Variants in QRICH2 observed in about 807,000 individuals in gnomAD.
The protein encoded by QRICH2 is glutamine-rich protein 2.
In QRICH2, 119 loss-of-function variants were observed where a neutral mutation model predicts 168.3. That is an observed-to-expected ratio of 0.71 (90% CI 0.61 to 0.82). The LOEUF (loss-of-function observed/expected upper bound fraction) is 0.82, where lower values mean the gene tolerates loss of function less well. QRICH2 is among the 40% of genes least tolerant of loss of function. QRICH2 has a pLI of 0.00. For missense variants in QRICH2, 2,241 were observed against 2,491.6 expected (o/e 0.90, Z 2.14); for synonymous variants, 894 against 951.2 (o/e 0.94, Z 1.11).
chr17:76,307,938 C>G lies in QRICH2; in HGVS notation c.61G>C (p.Glu21Gln), dbSNP rs891221420. Residue 21 changes from glutamate to glutamine, a missense_variant, in exon 1 of 19, where the codon GAG becomes CAG. Physicochemically the swap from Glu to Gln is conservative, Grantham distance 29. Transcript: ENST00000680821. The surrounding 1 kb of genome is among the most constrained non-coding windows in gnomAD (Gnocchi z 5.3). ...GCCGTGAAGTTGACGGCGCCCACCT[C>G]TGGCGTGCCGATGGAGAGGTCCGCC... ...ELADLSIGTPEVGAVNFTALH... is the reference protein window; with the variant it reads ...ELADLSIGTPQVGAVNFTALH... The G allele has an allele frequency of 1.7e-4, 214 of 1,235,960 alleles. No individual in the cohort carries two copies. The highest frequency in any genetic ancestry group is 2.0e-4 in the Non-Finnish European group (200 of 990,136). 76.6% of individuals were successfully genotyped at this position (1,235,960 alleles called of 1,614,324 possible). A position where few individuals can be genotyped will look rare whatever the true frequency, so the allele number is the denominator to read the frequency against.
chr17:76,279,078 C>A lies in QRICH2; in HGVS notation c.4879G>T (p.Val1627Leu). Reference sequence around the variant, plus strand: ...TGCCGGACCTGCTCCAGTTCAAACACCGTGTAGGGGCGGATGGAATGGTGC... The same window carrying A: ...TGCCGGACCTGCTCCAGTTCAAACAACGTGTAGGGGCGGATGGAATGGTGC... ...PGHHSIRPYT[V>L]FELEQVRQHS... The change falls in exon 14 of 19, where the codon GTG becomes TTG. Residue 1627 changes from valine (V) to leucine (L), a missense_variant. Val to Leu is a conservative substitution (Grantham distance 32, BLOSUM62 1). Around this residue, in one of 3 missense-constraint regions of QRICH2, gnomAD observed 2,047 missense variants for 2,303.8 expected, o/e 0.89. Transcript: ENST00000680821. The A allele has an allele frequency of 6.2e-7, 1 of 1,614,026 alleles. No individual in the cohort carries two copies. Among genetic ancestry groups the A allele is most frequent in the Admixed American group, 1.7e-5 (1 of 60,018 alleles).
At chr17:76,285,875 A>C (rs987268110) in intron 7 of QRICH2, among the ~76,000 whole-genome samples, 1 of 151,648 alleles carries the variant, frequency 6.6e-6, no homozygotes, top group Admixed American at 6.6e-5. Context: ...ATAACAACAA[A>C]AAAACAACTT....
chr17:76,301,005 G>T (rs932235161), intron 3 of QRICH2, among the ~76,000 whole-genome samples: 5 of 151,830 alleles, frequency 3.3e-5, no homozygotes, highest in African/African-American at 1.2e-4. Flanking sequence ...AGTGAGCCAA[G>T]ATCATGCCAC....
rs565969109 is a variant in QRICH2, at chr17:76,278,895, C to A, written c.4916+146G>T. On this transcript the variant is annotated intron_variant, in intron 14 of 18. Coordinates refer to ENST00000680821, the MANE Select transcript of QRICH2 (RefSeq NM_001388453.1). ...GCCTGCGGCCCCCACTGTCCCATTC[C>A]AAGGAGGAGGCTCTCCACACTGTCC... 72 of 735,766 alleles carry A rather than the reference C, an allele frequency of 9.8e-5. No homozygotes were observed. In the South Asian group the frequency reaches 1.1e-3, roughly 11 times the overall value. 45.6% of individuals were successfully genotyped at this position (735,766 alleles called of 1,614,324 possible). A position where few individuals can be genotyped will look rare whatever the true frequency, so the allele number is the denominator to read the frequency against.
At position 76,292,543 on chromosome 17, in the gene QRICH2, A is replaced by G. The variant is rs1305609807; in HGVS notation, c.2184T>C (p.His728=). The G allele has an allele frequency of 3.7e-6, 6 of 1,613,898 alleles. No individual in the cohort carries two copies. The highest frequency in any genetic ancestry group is 5.1e-6 in the Non-Finnish European group (6 of 1,179,908). The part of the protein sequence containing the change: ...SDLAQPGAVQ[H]GLVQPGVDQR... ...GATCTACTCCAGGTTGGACCAAACC[A>G]TGCTGAACTGCACCAGGTTGAGCCA... Residue 728 remains histidine (H), a synonymous_variant, in exon 4 of 19, where the codon CAT becomes CAC. Coordinates refer to ENST00000680821, the MANE Select transcript of QRICH2 (RefSeq NM_001388453.1).
At position 76,276,074 on chromosome 17, in the gene QRICH2, G is replaced by A. The variant is rs533623753; in HGVS notation, c.5354-127C>T. ...CCGGCCTCAGCTGAGTGGGGTCCTCGTCATTCTGAATTTGTGGCTATGCCC... is the reference window on the plus strand; with the variant it reads ...CCGGCCTCAGCTGAGTGGGGTCCTCATCATTCTGAATTTGTGGCTATGCCC... On this transcript the variant is annotated intron_variant, in intron 17 of 18. Coordinates refer to ENST00000680821, the MANE Select transcript of QRICH2 (RefSeq NM_001388453.1). The A allele has an allele frequency of 6.2e-5, 71 of 1,144,182 alleles. No homozygotes were observed. In the South Asian group the frequency reaches 7.8e-4, roughly 13 times the overall value. The allele number at this position is 1,144,182 out of a possible 1,614,324, so 70.9% of individuals were successfully genotyped here. A position where few individuals can be genotyped will look rare whatever the true frequency, so the allele number is the denominator to read the frequency against.
In QRICH2 at chr17:76,290,918, T is replaced by C. The variant is rs190167242; in HGVS notation, c.3712+97A>G. ...TGCTGTTTTCAGGGACTCAGGGAGA[T>C]GTGTAGCAGCCAGGAGTTGAGGCCA... On this transcript the variant is annotated intron_variant, in intron 4 of 18. Transcript: ENST00000680821. The C allele has an allele frequency of 1.5e-4, 221 of 1,519,894 alleles. No individual in the cohort carries two copies. The African/African-American group carries it at 2.7e-3, about 19-fold the overall frequency. The allele number at this position is 1,519,894 out of a possible 1,614,324, so 94.2% of individuals were successfully genotyped here. A position where few individuals can be genotyped will look rare whatever the true frequency, so the allele number is the denominator to read the frequency against.
intron 17 of QRICH2, 84 bp downstream of exon 17, chr17:76,276,596 C>T: frequency 1.1e-6 from 1 of 939,470 alleles, no homozygotes; most frequent in Non-Finnish European, 1.7e-6. Context: ...GGTCTAGTGG[C>T]CCATAAAAGT....
chr17:76,307,656 TGCTCAGGTCCTCCACCTGGCC>T lies in QRICH2; in HGVS notation c.322_342del (p.Gly108_Ser114del), dbSNP rs996209652. The T allele has an allele frequency of 2.8e-5, 41 of 1,473,972 alleles. No homozygotes were observed. In the Admixed American group the frequency reaches 7.1e-4, roughly 25 times the overall value. The allele number at this position is 1,473,972 out of a possible 1,614,324, so 91.3% of individuals were successfully genotyped here. A position where few individuals can be genotyped will look rare whatever the true frequency, so the allele number is the denominator to read the frequency against. On this transcript the variant is annotated inframe_deletion, in exon 1 of 19. Transcript: ENST00000680821. This position sits in a 1 kb window ranked among gnomAD's most constrained non-coding sequence, Gnocchi z 5.3. ...TGGCCGTCCACACGCTTGAGCTGCT[TGCTCAGGTCCTCCACCTGGCC>T]GCCCAGGTCCTTCACTTGGCTCTCC...
rs536782417 is a variant in QRICH2, at chr17:76,285,803, C to T, written c.4011+1389G>A. On this transcript the variant is annotated intron_variant, in intron 7 of 18. Coordinates refer to ENST00000680821, the MANE Select transcript of QRICH2 (RefSeq NM_001388453.1). Reference sequence around the variant, plus strand: ...GTTGGAGATTGCAGTGAGCCAAGATCGTGCCATTTCCCTCCAGCCTGGATA... The same window carrying T: ...GTTGGAGATTGCAGTGAGCCAAGATTGTGCCATTTCCCTCCAGCCTGGATA... 5.9e-5 allele frequency among the ~76,000 whole-genome samples: 9 copies of T among 151,750 alleles called. No individual in the cohort carries two copies. In the East Asian group the frequency reaches 9.8e-4, roughly 16 times the overall value.
At chr17:76,289,329 G>A (rs894578416) in intron 5 of QRICH2, among the ~76,000 whole-genome samples, 1 of 152,046 alleles carries the variant, frequency 6.6e-6, no homozygotes, top group African/African-American at 2.4e-5. Flanking sequence ...TGAGACTACA[G>A]GCATGCACCA....
intron 7 of QRICH2, among the ~76,000 whole-genome samples, chr17:76,283,773 C>T (rs2070830792): frequency 7.0e-6 from 1 of 142,386 alleles, no homozygotes; most frequent in Non-Finnish European, 1.5e-5. Flanking sequence ...ACTTGGGAGG[C>T]TGAGGCAGGA....
chr17:76,290,113 A>C, intron 4 of QRICH2, 36 bp from the exon 5 acceptor site: 1 of 1,509,988 alleles, frequency 6.6e-7, no homozygotes, highest in Non-Finnish European at 9.2e-7. Flanking sequence ...CAGAGGGGTT[A>C]GATCTCTAGT....
rs1486985967 is a variant in QRICH2, at chr17:76,293,196, C to T, written c.1531G>A (p.Asp511Asn). 1 of 1,614,186 alleles carries T rather than the reference C, an allele frequency of 6.2e-7. No individual in the cohort carries two copies. Among genetic ancestry groups the T allele is most frequent in the Non-Finnish European group, 8.5e-7 (1 of 1,180,042 alleles). Residue 511 changes from aspartate (D) to asparagine (N), a missense_variant, in exon 4 of 19, where the codon GAC (aspartate) becomes AAC (asparagine). Asp to Asn is a conservative substitution (Grantham distance 23). Coordinates refer to ENST00000680821, the MANE Select transcript of QRICH2 (RefSeq NM_001388453.1). ...ACAGGCAATGTCAATCCTTGCTGGTCTATACCAGGGGGTACTAGTCCTTGC... is the reference window on the plus strand; with the variant it reads ...ACAGGCAATGTCAATCCTTGCTGGTTTATACCAGGGGGTACTAGTCCTTGC... Reference protein sequence around the residue: ...GQQGLVPPGIDQQGLTLPVVD... With the variant: ...GQQGLVPPGINQQGLTLPVVD...
intron 3 of QRICH2, among the ~76,000 whole-genome samples, chr17:76,296,878 C>T (rs910356002): frequency 1.1e-4 from 16 of 151,982 alleles, no homozygotes; most frequent in Non-Finnish European, 1.8e-4. Flanking sequence ...GTGATGAGCA[C>T]GCATTTGATG....
At chr17:76,304,816 G>T (rs2070963839) in intron 2 of QRICH2, 66 bp downstream of exon 2, 1 of 1,136,624 alleles carries the variant, frequency 8.8e-7, no homozygotes, top group Non-Finnish European at 1.3e-6. Flanking sequence ...GCCCTGGAGA[G>T]AGGGCCACAC....
At chr17:76,289,266 G>A (rs2070945181) in intron 5 of QRICH2, among the ~76,000 whole-genome samples, 3 of 152,068 alleles carry the variant, frequency 2.0e-5, no homozygotes, top group Non-Finnish European at 4.4e-5. Flanking sequence ...ATAGCTTACT[G>A]CAGCCTCAAA....
rs1273023289 is a variant in QRICH2, at chr17:76,281,844, G to A, written c.4263+20C>T. 3.7e-6 allele frequency: 6 copies of A among 1,606,148 alleles called. No individual in the cohort carries two copies. The Admixed American group carries it at 5.0e-5, about 13-fold the overall frequency. ...GGGCCATGTCCAGTTGCAGCAGGAG[G>A]GAGGCGAGCAGAGCCCCACCTGTCT... On this transcript the variant is annotated intron_variant, in intron 8 of 18. Coordinates refer to ENST00000680821, the MANE Select transcript of QRICH2 (RefSeq NM_001388453.1). The surrounding 1 kb of genome is among the most constrained non-coding windows in gnomAD (Gnocchi z 4.4).
intron 16 of QRICH2, 132 bp from the exon 17 acceptor site, chr17:76,276,899 G>T: frequency 1.3e-6 from 1 of 759,720 alleles, no homozygotes; most frequent in Non-Finnish European, 2.1e-6. Flanking sequence ...CACTAGGGTG[G>T]AGCGAGAAGG....
Sources: allele counts gnomAD v4.1 joint callset (sites outside exome capture counted in the v4.1 genomes callset), GRCh38; gene constraint gnomAD v4.1.1; regional missense constraint gnomAD v4.1.1; non-coding constraint Gnocchi (gnomAD v3.1); transcripts MANE v1.5; gene names NCBI Gene and HGNC (gene_info 2026-07-23, HGNC 2026-07-21).